The following SPAG1 variants were observed in gnomAD, a reference collection of about 807,000 sequenced individuals.
SPAG1 encodes sperm associated antigen 1, also known as sperm-associated antigen 1.
In SPAG1, 69 loss-of-function variants were observed where a neutral mutation model predicts 100.5. The observed-to-expected ratio is 0.69, with a 90% CI of 0.57 to 0.84. SPAG1 has a LOEUF of 0.84. Among genes scored for constraint, SPAG1 ranks in the 40% least tolerant of loss-of-function variants. The pLI, the probability that SPAG1 is intolerant of heterozygous loss-of-function variation, is 0.00. For synonymous variants in SPAG1, 336 were observed against 411.6 expected (o/e 0.82, Z 2.22); for missense variants, 955 against 1,133.1 (o/e 0.84, Z 2.26).
chr8:100,219,061 TG>T (rs1419913861), intron 12 of SPAG1, among the ~76,000 whole-genome samples: 9 of 152,342 alleles, frequency 5.9e-5, no homozygotes, highest in African/African-American at 2.2e-4. Flanking sequence ...CTCATGTTTC[TG>T]TTTCTTCACC....
At position 100,167,384 on chromosome 8, in the gene SPAG1, T is replaced by C. The variant is rs1044386595; in HGVS notation, c.300+1411T>C. Among the ~76,000 whole-genome samples, 12 of 152,268 alleles carry C rather than the reference T, an allele frequency of 7.9e-5. 1 individual carries two copies. The South Asian group carries it at 1.7e-3, about 21-fold the overall frequency. ...CTCTATATGCATATCTATGATAAAG[T>C]TTAACTTATAAATTAGGCACACTAA... On this transcript the variant is annotated intron_variant, in intron 3 of 18. Transcript: ENST00000388798.
chr8:100,163,580 A>G (rs534924883), intron 2 of SPAG1, among the ~76,000 whole-genome samples: 2 of 152,234 alleles, frequency 1.3e-5, no homozygotes, highest in South Asian at 4.1e-4. Flanking sequence ...CTTGTGGAGC[A>G]TGAACTGCTT....
intron 17 of SPAG1, 22 bp from the exon 18 acceptor site, chr8:100,240,381 C>T: frequency 6.4e-7 from 1 of 1,562,398 alleles, no homozygotes. Context: ...TGTCACAATG[C>T]ATTTTTCTTT....
intron 14 of SPAG1, among the ~76,000 whole-genome samples, chr8:100,226,940 A>G (rs1394318050): frequency 2.0e-5 from 3 of 152,206 alleles, no homozygotes; most frequent in African/African-American, 7.2e-5. Flanking sequence ...CTCTTACTGT[A>G]CCTTTTCTGT....
chr8:100,183,769 C>T (rs968653034), intron 5 of SPAG1, among the ~76,000 whole-genome samples, 187 bp from the exon 6 acceptor site: 6 of 152,158 alleles, frequency 3.9e-5, no homozygotes, highest in Non-Finnish European at 5.9e-5. Flanking sequence ...ATTTGATTAA[C>T]GTTTAAGTTC....
chr8:100,170,736 A>T (rs1351739627), intron 3 of SPAG1, among the ~76,000 whole-genome samples: 1 of 151,872 alleles, frequency 6.6e-6, no homozygotes. Flanking sequence ...GATTCATTGG[A>T]TTTTCTACCT....
chr8:100,191,045 G>A (rs961053763), intron 8 of SPAG1, among the ~76,000 whole-genome samples: 5 of 152,134 alleles, frequency 3.3e-5, no homozygotes, highest in African/African-American at 1.2e-4. Flanking sequence ...TTATAAAAAG[G>A]AAAGGATTAT....
intron 7 of SPAG1, among the ~76,000 whole-genome samples, chr8:100,186,324 G>T (rs771831102): frequency 1.3e-5 from 2 of 151,986 alleles, no homozygotes; most frequent in Non-Finnish European, 2.9e-5. Context: ...TGTCACCTCG[G>T]TCTCCCAAAG....
At chr8:100,177,702 A>G (rs977232043) in intron 3 of SPAG1, 114 bp from the exon 4 acceptor site, 5 of 518,772 alleles carry the variant, frequency 9.6e-6, no homozygotes, top group Non-Finnish European at 1.6e-5. Flanking sequence ...AAATCCACAT[A>G]TAAGTGGACC....
chr8:100,224,973 G>C (rs1270737289), intron 13 of SPAG1, among the ~76,000 whole-genome samples, 200 bp from the exon 14 acceptor site: 1 of 151,950 alleles, frequency 6.6e-6, no homozygotes, highest in Non-Finnish European at 1.5e-5. Flanking sequence ...TTAAAAAATA[G>C]TCTAAGTTGC....
Position 100,183,414 on chromosome 8 carries a change from A to G in SPAG1, c.466A>G (p.Arg156Gly). Residue 156 changes from arginine (R) to glycine (G), a missense_variant, in exon 5 of 19, where the codon AGG becomes GGG. Physicochemically the swap from Arg to Gly is moderately radical, Grantham distance 125. Transcript: ENST00000388798. The stretch of plus-strand genomic sequence containing the variant: ...AAGACCAACTAAAAAGAAAACTCCA[A>G]GGGATTACGCGGAATGGGATAAGTA... Reference protein sequence around the residue: ...SKRPTKKKTPRDYAEWDKFDV... With the variant: ...SKRPTKKKTPGDYAEWDKFDV... 6.6e-7 allele frequency: 1 copy of G among 1,503,894 alleles called. No individual in the cohort carries two copies. Among genetic ancestry groups the G allele is most frequent in the Non-Finnish European group, 9.2e-7 (1 of 1,090,294 alleles). The allele number at this position is 1,503,894 out of a possible 1,614,324, so 93.2% of individuals were successfully genotyped here.
intron 3 of SPAG1, among the ~76,000 whole-genome samples, chr8:100,169,538 A>G (rs560268767): frequency 3.9e-5 from 6 of 152,250 alleles, no homozygotes; most frequent in African/African-American, 7.2e-5. Context: ...CGGGAGTTCA[A>G]GACCAGACTG....
At chr8:100,226,715 T>A (rs1370714705) in intron 14 of SPAG1, among the ~76,000 whole-genome samples, 3 of 151,498 alleles carry the variant, frequency 2.0e-5, no homozygotes, top group Admixed American at 6.6e-5. Context: ...AAAAAAAAAA[T>A]TTAAATAACA....
rs1309962033 is a variant in SPAG1, at chr8:100,231,010, A to G, written c.1856-146A>G. 9 of 481,956 alleles carry G rather than the reference A, an allele frequency of 1.9e-5. No homozygotes were observed. The East Asian group carries it at 3.0e-4, about 16-fold the overall frequency. The allele number at this position is 481,956 out of a possible 1,614,324, so 29.9% of individuals were successfully genotyped here. A position where few individuals can be genotyped will look rare whatever the true frequency, so the allele number is the denominator to read the frequency against. On this transcript the variant is annotated intron_variant, in intron 14 of 18. Transcript: ENST00000388798. ...GCCTATTTGTCATTTTAATTTGTCT[A>G]CAAAGTTTTGTTCTAGTTAGATTTT...
intron 10 of SPAG1, among the ~76,000 whole-genome samples, chr8:100,202,533 A>AC (rs1239471816): frequency 1.3e-5 from 2 of 149,448 alleles, no homozygotes; most frequent in Non-Finnish European, 3.0e-5. Flanking sequence ...ACACGGTGAA[A>AC]CCCCGTCTCT....
intron 13 of SPAG1, among the ~76,000 whole-genome samples, chr8:100,222,620 G>GACT (rs1818334073): frequency 6.6e-6 from 1 of 152,126 alleles, no homozygotes; most frequent in African/African-American, 2.4e-5. Context: ...GGGAGACACC[G>GACT]GAAGTATCTG....
Position 100,191,481 on chromosome 8 carries a change from T to A in SPAG1, c.924T>A (p.Asp308Glu), listed in dbSNP as rs776067892. ...GTAAAGTACTAGATGTTGAGCCTGA[T>A]AATGATTTGGCCAAGGTAAGTATAG... is the stretch of plus-strand genomic sequence containing the variant. Reference protein sequence around the residue: ...DLSKVLDVEPDNDLAKKTLSE... With the variant: ...DLSKVLDVEPENDLAKKTLSE... Residue 308 changes from aspartate (D) to glutamate (E), a missense_variant, in exon 9 of 19, where the codon GAT becomes GAA. Transcript: ENST00000388798. 6.2e-7 allele frequency: 1 copy of A among 1,611,312 alleles called. No homozygotes were observed. Among genetic ancestry groups the A allele is most frequent in the Non-Finnish European group, 8.5e-7 (1 of 1,177,500 alleles).
intron 3 of SPAG1, among the ~76,000 whole-genome samples, chr8:100,169,599 A>G (rs559361684): frequency 4.6e-5 from 7 of 152,220 alleles, no homozygotes; most frequent in African/African-American, 1.7e-4. Context: ...TTAGCTAAGC[A>G]TGGTTGCGTG....
At chr8:100,182,698 A>G (rs1341610156) in intron 4 of SPAG1, among the ~76,000 whole-genome samples, 2 of 152,170 alleles carry the variant, frequency 1.3e-5, no homozygotes, top group South Asian at 2.1e-4. Flanking sequence ...TAATATAGCA[A>G]TTATTCTTGT....
Sources: allele counts gnomAD v4.1 joint callset (sites outside exome capture counted in the v4.1 genomes callset), GRCh38; gene constraint gnomAD v4.1.1; transcripts MANE v1.5; gene names NCBI Gene and HGNC (gene_info 2026-07-23, HGNC 2026-07-21).